Variants in DSCAM observed in about 807,000 individuals in gnomAD.
DSCAM encodes cell adhesion molecule DSCAM.
A neutral mutation model predicts 217.7 loss-of-function variants in DSCAM; 47 were observed. That is an observed-to-expected ratio of 0.22 (90% CI 0.17 to 0.28). The LOEUF (loss-of-function observed/expected upper bound fraction) is 0.28, where lower values mean the gene tolerates loss of function less well. Among genes scored for constraint, DSCAM ranks in the 10% least tolerant of loss-of-function variants. DSCAM has a pLI of 1.00. For missense variants in DSCAM, 2,080 were observed against 2,618.3 expected (o/e 0.79, Z 4.49); for synonymous variants, 1,056 against 1,015.3 (o/e 1.04, Z -0.76).
At chr21:40,042,949 T>TAA (rs34732318) in intron 31 of DSCAM, among the ~76,000 whole-genome samples, 9 of 151,948 alleles carry the variant, frequency 5.9e-5, no homozygotes, top group Non-Finnish European at 8.8e-5. Flanking sequence ...GCCTTCCCTT[T>TAA]AAAAAAAATC....
intron 3 of DSCAM, among the ~76,000 whole-genome samples, chr21:40,446,069 G>A (rs766668545): frequency 1.9e-4 from 29 of 152,164 alleles, no homozygotes; most frequent in Non-Finnish European, 2.4e-4. Context: ...AAGAGGATAC[G>A]TTAGCTTTAT....
Position 40,520,344 on chromosome 21 carries a change from G to A in DSCAM, c.509-151099C>T, listed in dbSNP as rs577745788. On this transcript the variant is annotated intron_variant, in intron 3 of 32. Coordinates refer to ENST00000400454, the MANE Select transcript of DSCAM (RefSeq NM_001389.5). ...ATAATTATAGCAAGTCAGTTAAGAG[G>A]AGCAGGATTCAATGCAATGCTATTA... Among the ~76,000 whole-genome samples, 17 of 152,230 alleles carry A rather than the reference G, an allele frequency of 1.1e-4. No homozygotes were observed. The South Asian group carries it at 3.3e-3, about 30-fold the overall frequency.
chr21:40,171,695 G>C (rs1004958069), intron 15 of DSCAM, among the ~76,000 whole-genome samples: 9 of 151,790 alleles, frequency 5.9e-5, no homozygotes, highest in African/African-American at 2.2e-4. Context: ...GTTTTACAAA[G>C]GGCACTAAAT....
intron 1 of DSCAM, among the ~76,000 whole-genome samples, chr21:40,729,197 G>A (rs2090987543): frequency 6.6e-6 from 1 of 151,984 alleles, no homozygotes; most frequent in African/African-American, 2.4e-5. Flanking sequence ...GGCTGCTATT[G>A]CTGCTATTTT....
At chr21:40,339,556 AAC>A in intron 6 of DSCAM, 141 bp from the exon 7 acceptor site, 1 of 815,728 alleles carries the variant, frequency 1.2e-6, no homozygotes, top group Non-Finnish European at 1.9e-6. Flanking sequence ...GATAAAGCAA[AAC>A]GTTAATCAGA....
rs1438159978 is a variant in DSCAM, at chr21:40,140,305, T to TA, written c.3406+2252dup. On this transcript the variant is annotated intron_variant, in intron 18 of 32. Transcript: ENST00000400454. ...TTGATTTTAATCCCATGAGTGAAAG[T>TA]ATCTTTAAAAAGCTGCATGCACACT... Among the ~76,000 whole-genome samples, 17 of 152,324 alleles carry TA rather than the reference T, an allele frequency of 1.1e-4. No individual in the cohort carries two copies. The South Asian group carries it at 3.5e-3, about 32-fold the overall frequency.
intron 11 of DSCAM, among the ~76,000 whole-genome samples, chr21:40,231,428 C>T (rs1373337936): frequency 2.0e-5 from 3 of 152,016 alleles, no homozygotes; most frequent in Admixed American, 6.6e-5. Flanking sequence ...CCTAGATTTC[C>T]GGGTGAGAGT....
intron 3 of DSCAM, among the ~76,000 whole-genome samples, chr21:40,524,567 T>C (rs2076385292): frequency 6.6e-6 from 1 of 152,238 alleles, no homozygotes; most frequent in Non-Finnish European, 1.5e-5. Flanking sequence ...TTGGTACACA[T>C]GTCTGCTAAA....
intron 3 of DSCAM, among the ~76,000 whole-genome samples, chr21:40,650,868 C>T (rs990887586): frequency 6.6e-6 from 1 of 152,092 alleles, no homozygotes; most frequent in Non-Finnish European, 1.5e-5. Flanking sequence ...GAGCTGAGAT[C>T]GCACCACTGC....
At chr21:40,081,310 A>T (rs547851983) in intron 24 of DSCAM, among the ~76,000 whole-genome samples, 10 of 128,456 alleles carry the variant, frequency 7.8e-5, no homozygotes, top group South Asian at 6.6e-4. Flanking sequence ...CTCCATTTTA[A>T]TAAAAATAAA....
At chr21:40,619,801 T>G (rs2089454558) in intron 3 of DSCAM, among the ~76,000 whole-genome samples, 1 of 150,894 alleles carries the variant, frequency 6.6e-6, no homozygotes, top group Non-Finnish European at 1.5e-5. Context: ...AGTCAAAAGA[T>G]TTGAACAGAC....
chr21:40,230,676 A>T (rs2146922873), intron 11 of DSCAM, among the ~76,000 whole-genome samples: 1 of 152,208 alleles, frequency 6.6e-6, no homozygotes, highest in Non-Finnish European at 1.5e-5. Flanking sequence ...ATATTGTTCA[A>T]TTTTTCTTGA....
At position 40,637,470 on chromosome 21, in the gene DSCAM, AAT is replaced by A. The variant is rs1193387319; in HGVS notation, c.508+55338_508+55339del. On this transcript the variant is annotated intron_variant, in intron 3 of 32. Transcript: ENST00000400454. ...ATATAAATATATACAAATATATATA[AAT>A]ATATATAAATATATAAAAATATATA... Among the ~76,000 whole-genome samples, 2 of 31,062 alleles carry A rather than the reference AAT, an allele frequency of 6.4e-5. 1 individual carries two copies. 20.4% of individuals were successfully genotyped at this position (31,062 alleles called of 152,430 possible).
intron 11 of DSCAM, among the ~76,000 whole-genome samples, chr21:40,261,029 G>A (rs564608775): frequency 2.6e-5 from 4 of 152,218 alleles, no homozygotes; most frequent in South Asian, 2.1e-4. Context: ...AGACCCCTCC[G>A]TTATCATGTT....
chr21:40,425,899 A>T (rs2075470432), intron 3 of DSCAM, among the ~76,000 whole-genome samples: 1 of 152,204 alleles, frequency 6.6e-6, no homozygotes, highest in African/African-American at 2.4e-5. Context: ...ACATGAATAA[A>T]CTATGTATAT....
intron 3 of DSCAM, among the ~76,000 whole-genome samples, chr21:40,461,521 A>G (rs1022129933): frequency 2.0e-5 from 3 of 152,018 alleles, no homozygotes; most frequent in Non-Finnish European, 2.9e-5. Context: ...CTGGTTTCAC[A>G]CTCAAGCATT....
rs1013269267 is a variant in DSCAM, at chr21:40,543,505, G to A, written c.508+149305C>T. Among the ~76,000 whole-genome samples the A allele has an allele frequency of 5.7e-4, 86 of 152,130 alleles. 1 individual carries two copies. The highest frequency in any genetic ancestry group is 2.0e-3 in the African/African-American group (83 of 41,430). The stretch of plus-strand genomic sequence containing the variant: ...TCTAGGGGAATGCATTAAGCAGAAT[G>A]TCAGGTTGAATGGAAATCACACATC... On this transcript the variant is annotated intron_variant, in intron 3 of 32. Transcript: ENST00000400454.
At position 40,312,289 on chromosome 21, in the gene DSCAM, A is replaced by G. The variant is rs1370523436; in HGVS notation, c.1854T>C (p.Val618=). The G allele has an allele frequency of 6.2e-7, 1 of 1,614,132 alleles. No homozygotes were observed. The highest frequency in any genetic ancestry group is 8.5e-7 in the Non-Finnish European group (1 of 1,180,022). ...TGATGGGTAAGTCCCCTGAGACCACAACACAGGGGATGAAGACCCGCTGCC... is the reference window on the plus strand; with the variant it reads ...TGATGGGTAAGTCCCCTGAGACCACGACACAGGGGATGAAGACCCGCTGCC... The part of the protein sequence containing the change: ...SIGQRVFIPC[V]VVSGDLPITI... Residue 618 remains valine, a synonymous_variant, in exon 9 of 33, where the codon GTT becomes GTC. Transcript: ENST00000400454.
At chr21:40,582,673 A>G (rs1055173710) in intron 3 of DSCAM, among the ~76,000 whole-genome samples, 4 of 152,194 alleles carry the variant, frequency 2.6e-5, no homozygotes, top group African/African-American at 9.7e-5. Context: ...GTACATAAAG[A>G]TAAGACCTGG....
Sources: allele counts gnomAD v4.1 joint callset (sites outside exome capture counted in the v4.1 genomes callset), GRCh38; gene constraint gnomAD v4.1.1; transcripts MANE v1.5; gene names NCBI Gene and HGNC (gene_info 2026-07-23, HGNC 2026-07-21).